The following LAMC1 variants were observed in gnomAD, a reference collection of about 807,000 sequenced individuals.
LAMC1 encodes laminin subunit gamma-1.
Under a neutral mutation model 173.6 loss-of-function variants are expected in LAMC1, and 38 were observed. The ratio of observed to expected loss-of-function variants is 0.22; its 90% CI spans 0.17 to 0.29. The LOEUF is 0.29. Among genes scored for constraint, LAMC1 ranks in the 10% least tolerant of loss-of-function variants. The pLI, the probability that LAMC1 is intolerant of heterozygous loss-of-function variation, is 1.00. For missense variants in LAMC1, 1,824 were observed against 2,051.8 expected, an observed-to-expected ratio of 0.89 and a Z score of 2.14; for synonymous variants, 746 against 749.1, an observed-to-expected ratio of 1.00 and a Z score of 0.07.
At chr1:183,062,529 G>A (rs1654767773) in intron 1 of LAMC1, among the ~76,000 whole-genome samples, 2 of 152,204 alleles carry the variant, frequency 1.3e-5, no homozygotes, top group South Asian at 4.1e-4. Flanking sequence ...GGGCGTGCCT[G>A]TAGTCTCAGC....
rs184807306 is a variant in LAMC1 at position 183,048,801 on chromosome 1, C to T, written c.418+24667C>T. On this transcript the variant is annotated intron_variant, in intron 1 of 27. Coordinates refer to ENST00000258341, the MANE Select transcript of LAMC1 (RefSeq NM_002293.4). Reference sequence around the variant, plus strand: ...TCTTCACTTTACAGCACCTCATCCTCACACGTGTCTTTTAAATAGTCTTCT... The same window carrying T: ...TCTTCACTTTACAGCACCTCATCCTTACACGTGTCTTTTAAATAGTCTTCT... Among the ~76,000 whole-genome samples the T allele has an allele frequency of 2.6e-5, 4 of 152,296 alleles. No homozygotes were observed. The East Asian group carries it at 7.7e-4, about 29-fold the overall frequency.
At chr1:183,092,724 T>C (rs1655596287) in intron 1 of LAMC1, among the ~76,000 whole-genome samples, 1 of 152,188 alleles carries the variant, frequency 6.6e-6, no homozygotes, top group Non-Finnish European at 1.5e-5. Context: ...TATTATGCCT[T>C]TTCTCTTTAG....
chr1:183,045,897 A>C (rs1040205357), intron 1 of LAMC1, among the ~76,000 whole-genome samples: 1 of 151,940 alleles, frequency 6.6e-6, no homozygotes, highest in East Asian at 1.9e-4. Flanking sequence ...GTATCTTTTC[A>C]TGTGTTTATT....
At chr1:183,131,459 GTAT>G (rs1447564854) in intron 20 of LAMC1, 81 bp downstream of exon 20, 20 of 916,360 alleles carry the variant, frequency 2.2e-5, no homozygotes, top group South Asian at 5.6e-5. Context: ...GTGTGTGTGT[GTAT>G]TGTCTTATCC....
chr1:183,140,274 A>C, intron 26 of LAMC1, 130 bp from the exon 27 acceptor site: 2 of 316,748 alleles, frequency 6.3e-6, no homozygotes, highest in Non-Finnish European at 5.9e-6. Flanking sequence ...AAGCAATGAG[A>C]GGTTTCAATT....
intron 1 of LAMC1, among the ~76,000 whole-genome samples, chr1:183,101,792 C>G (rs61146684): frequency 6.6e-6 from 1 of 152,138 alleles, no homozygotes; most frequent in Non-Finnish European, 1.5e-5. Flanking sequence ...TGCCACATGG[C>G]TTTATGTTGA....
chr1:183,130,847 C>A (rs193271549), intron 19 of LAMC1, among the ~76,000 whole-genome samples: 1 of 152,236 alleles, frequency 6.6e-6, no homozygotes, highest in Admixed American at 6.5e-5. Context: ...ATCAAGGGTG[C>A]TGATATTAAA....
chr1:183,060,836 G>A (rs1396660570), intron 1 of LAMC1, among the ~76,000 whole-genome samples: 2 of 152,208 alleles, frequency 1.3e-5, no homozygotes, highest in Non-Finnish European at 1.5e-5. Context: ...GTGCTATTGT[G>A]ATGGCAAGAA....
At chr1:183,067,430 C>T (rs887131217) in intron 1 of LAMC1, among the ~76,000 whole-genome samples, 1 of 152,016 alleles carries the variant, frequency 6.6e-6, no homozygotes, top group Admixed American at 6.6e-5. Flanking sequence ...TAGTAGTTTC[C>T]TATTGGCTGT....
chr1:183,116,088 C>G (rs1219580056), intron 6 of LAMC1, among the ~76,000 whole-genome samples: 1 of 149,268 alleles, frequency 6.7e-6, no homozygotes, highest in African/African-American at 2.5e-5. Flanking sequence ...CGAGATCGCG[C>G]CACTGCACTC....
intron 24 of LAMC1, among the ~76,000 whole-genome samples, chr1:183,135,890 CA>C (rs34380430): frequency 0.012 from 1,215 of 104,052 alleles, 14 homozygotes; most frequent in African/African-American, 0.038. Context: ...CCTTGTCTCT[CA>C]AAAAAAAAAA....
chr1:183,079,086 T>A (rs1393930763), intron 1 of LAMC1, among the ~76,000 whole-genome samples: 1 of 150,996 alleles, frequency 6.6e-6, no homozygotes, highest in African/African-American at 2.4e-5. Context: ...TGCTCTAATT[T>A]TAGACAACTA....
rs747025288 is a variant in LAMC1 at position 183,121,769 on chromosome 1, G to T, written c.2037G>T (p.Gly679=). ...DDVTLASARP[G]PGVPATWVES... ...TCACCCTGGCAAGTGCTCGTCCTGG[G>T]CCTGGAGTCCCTGCAACTTGGGTGG... The change falls in exon 12 of 28, where the codon GGG becomes GGT. Residue 679 remains glycine (G), a synonymous_variant. Coordinates refer to ENST00000258341, the MANE Select transcript of LAMC1 (RefSeq NM_002293.4). 6.8e-6 allele frequency: 11 copies of T among 1,614,028 alleles called. No individual in the cohort carries two copies. The South Asian group carries it at 1.2e-4, about 18-fold the overall frequency.
In LAMC1 at chr1:183,115,584, C is replaced by T; in HGVS notation, c.1275C>T (p.Asp425=). ...GCTGTAAGCCAGGAGTGATGGGGGA[C>T]AAATGTGACCGTTGCCAGCCTGGAT... ...RCSCKPGVMG[D]KCDRCQPGFH... Residue 425 remains aspartate (D), a synonymous_variant, in exon 6 of 28, where the codon GAC becomes GAT. Coordinates refer to ENST00000258341, the MANE Select transcript of LAMC1 (RefSeq NM_002293.4). The T allele has an allele frequency of 1.2e-6, 2 of 1,614,032 alleles. No homozygotes were observed. Among genetic ancestry groups the T allele is most frequent in the Non-Finnish European group, 1.7e-6 (2 of 1,179,944 alleles).
At chr1:183,079,671 A>G (rs1327124674) in intron 1 of LAMC1, among the ~76,000 whole-genome samples, 3 of 152,166 alleles carry the variant, frequency 2.0e-5, no homozygotes, top group Admixed American at 2.0e-4. Context: ...AATAGCTTTC[A>G]TTGAAATTTT....
At chr1:183,111,883 A>G (rs1302764111) in intron 4 of LAMC1, among the ~76,000 whole-genome samples, 1 of 152,058 alleles carries the variant, frequency 6.6e-6, no homozygotes, top group East Asian at 1.9e-4. Context: ...AAAAATAGAA[A>G]AATTAGCCAG....
chr1:183,087,900 A>G (rs1571432027), intron 1 of LAMC1, among the ~76,000 whole-genome samples: 1 of 147,940 alleles, frequency 6.8e-6, no homozygotes, highest in Non-Finnish European at 1.5e-5. Flanking sequence ...CACAACCTCC[A>G]CCTCCCAGGT....
At chr1:183,079,997 A>G (rs1655226659) in intron 1 of LAMC1, among the ~76,000 whole-genome samples, 2 of 152,122 alleles carry the variant, frequency 1.3e-5, no homozygotes, top group Admixed American at 1.3e-4. Flanking sequence ...TAATCCCAGC[A>G]CTTTGAGGAG....
intron 6 of LAMC1, 98 bp from the exon 7 acceptor site, chr1:183,116,476 CAAA>C: frequency 2.9e-6 from 2 of 696,184 alleles, no homozygotes; most frequent in Admixed American, 5.9e-5. Flanking sequence ...GACTCTGTCT[CAAA>C]AAAAAAAAAA....
Sources: allele counts gnomAD v4.1 joint callset (sites outside exome capture counted in the v4.1 genomes callset), GRCh38; gene constraint gnomAD v4.1.1; transcripts MANE v1.5; gene names NCBI Gene and HGNC (gene_info 2026-07-23, HGNC 2026-07-21).